DGKI: variants seen among roughly 807,000 people sequenced by gnomAD.
DGKI encodes DAG kinase iota.
Under a neutral mutation model 147.5 loss-of-function variants are expected in DGKI, and 55 were observed. That is an observed-to-expected ratio of 0.37 (90% CI 0.30 to 0.47). DGKI has a LOEUF of 0.47. Ranked by LOEUF, DGKI falls within the 20% of genes least tolerant of loss-of-function variation. DGKI has a pLI of 1.00. For missense variants in DGKI, 1,007 were observed against 1,323.8 expected (o/e 0.76, Z 3.71); for synonymous variants, 469 against 477.1 (o/e 0.98, Z 0.22).
At chr7:137,683,358 T>TG (rs1458477350) in intron 2 of DGKI, among the ~76,000 whole-genome samples, 2 of 134,356 alleles carry the variant, frequency 1.5e-5, no homozygotes, top group African/African-American at 3.0e-5. Context: ...TTGTCACTCT[T>TG]TTTGTTTGTG....
At chr7:137,741,510 A>C (rs1795172175) in intron 1 of DGKI, among the ~76,000 whole-genome samples, 1 of 151,924 alleles carries the variant, frequency 6.6e-6, no homozygotes, top group Non-Finnish European at 1.5e-5. Context: ...CTGTACACTG[A>C]CTCCTTCCTT....
At chr7:137,635,391 C>T (rs1019536961) in intron 6 of DGKI, among the ~76,000 whole-genome samples, 3 of 152,154 alleles carry the variant, frequency 2.0e-5, no homozygotes, top group South Asian at 2.1e-4. Flanking sequence ...GAAGCCCCTC[C>T]GCTTTAGAAG....
chr7:137,659,882 G>A (rs1023820807), intron 3 of DGKI, among the ~76,000 whole-genome samples: 5 of 152,140 alleles, frequency 3.3e-5, no homozygotes, highest in South Asian at 4.1e-4. Flanking sequence ...GCAGTGAGCC[G>A]AGATCGCGCC....
At chr7:137,809,680 G>A (rs1197694201) in intron 1 of DGKI, among the ~76,000 whole-genome samples, 1 of 152,150 alleles carries the variant, frequency 6.6e-6, no homozygotes, top group Non-Finnish European at 1.5e-5. Flanking sequence ...GCCAAGGAAG[G>A]CAGATTGCTT....
At chr7:137,429,578 C>G (rs1320058269) in intron 28 of DGKI, among the ~76,000 whole-genome samples, 6 of 151,888 alleles carry the variant, frequency 4.0e-5, no homozygotes, top group Non-Finnish European at 5.9e-5. Flanking sequence ...TAAAGAGCTT[C>G]TGCACAGCAA....
At chr7:137,801,450 G>A (rs930249929) in intron 1 of DGKI, among the ~76,000 whole-genome samples, 2 of 152,148 alleles carry the variant, frequency 1.3e-5, no homozygotes, top group Non-Finnish European at 2.9e-5. Flanking sequence ...AACAACAAAA[G>A]CATTAGTTCA....
intron 12 of DGKI, among the ~76,000 whole-genome samples, chr7:137,589,892 T>C (rs1819547031): frequency 6.6e-6 from 1 of 152,218 alleles, no homozygotes. Context: ...CCCGTTTTCT[T>C]TCAGGCAGAT....
At chr7:137,591,987 T>TA (rs1490739736) in intron 12 of DGKI, among the ~76,000 whole-genome samples, 1 of 152,104 alleles carries the variant, frequency 6.6e-6, no homozygotes, top group African/African-American at 2.4e-5. Context: ...AAAGGGGCTA[T>TA]AAAAAACAAA....
intron 23 of DGKI, among the ~76,000 whole-genome samples, chr7:137,475,651 C>G (rs1396382303): frequency 6.6e-6 from 1 of 152,070 alleles, no homozygotes; most frequent in Non-Finnish European, 1.5e-5. Flanking sequence ...GACGGAAGGT[C>G]ACAAAAAACG....
At chr7:137,697,519 T>C (rs772180033) in intron 1 of DGKI, among the ~76,000 whole-genome samples, 5 of 152,184 alleles carry the variant, frequency 3.3e-5, no homozygotes, top group African/African-American at 4.8e-5. Context: ...AAATTAGATA[T>C]AAGAGTAGTT....
intron 1 of DGKI, among the ~76,000 whole-genome samples, chr7:137,752,978 T>G (rs1795553944): frequency 6.6e-6 from 1 of 152,068 alleles, no homozygotes; most frequent in Admixed American, 6.6e-5. Flanking sequence ...TCATCCTTCC[T>G]AGACAGCCAG....
intron 1 of DGKI, among the ~76,000 whole-genome samples, chr7:137,754,744 G>C (rs955428145): frequency 2.0e-5 from 3 of 152,336 alleles, no homozygotes; most frequent in Non-Finnish European, 2.9e-5. Context: ...AGCAAAGAAA[G>C]GCAGAGGCAG....
intron 1 of DGKI, among the ~76,000 whole-genome samples, chr7:137,760,134 C>T (rs557522742): frequency 2.0e-5 from 3 of 152,290 alleles, no homozygotes; most frequent in Non-Finnish European, 2.9e-5. Context: ...GCAGAGCCCA[C>T]CTCACCTACT....
chr7:137,617,030 C>T (rs748156483), intron 8 of DGKI, among the ~76,000 whole-genome samples: 11 of 148,254 alleles, frequency 7.4e-5, no homozygotes, highest in Non-Finnish European at 1.3e-4. Flanking sequence ...ATGACAGTTC[C>T]TGAACCCACT....
In DGKI at chr7:137,421,357, A is replaced by G. The variant is rs567958191; in HGVS notation, c.2762-9150T>C. 1.5e-3 allele frequency among the ~76,000 whole-genome samples: 233 copies of G among 152,298 alleles called. 2 individuals carry two copies. Among genetic ancestry groups the G allele is most frequent in the Non-Finnish European group, 2.1e-3 (142 of 68,042 alleles). ...ATAGGTTTTGTTTCTCTCTAATGAC[A>G]GAATTAATCCCCCAATTCAATTAAT... On this transcript the variant is annotated intron_variant, in intron 28 of 32. Transcript: ENST00000614521.
chr7:137,513,979 A>G (rs937201943), intron 21 of DGKI: 1 of 687,832 alleles, frequency 1.5e-6, no homozygotes, highest in Admixed American at 2.1e-5. Context: ...GAGCAGAAAC[A>G]TGGAATGCCA....
chr7:137,776,260 C>T (rs1416228136), intron 1 of DGKI, among the ~76,000 whole-genome samples: 2 of 152,202 alleles, frequency 1.3e-5, no homozygotes, highest in Non-Finnish European at 1.5e-5. Context: ...ATGGTTGATA[C>T]AGGGACATCA....
intron 1 of DGKI, among the ~76,000 whole-genome samples, chr7:137,730,382 C>A (rs561775489): frequency 6.6e-6 from 1 of 152,118 alleles, no homozygotes; most frequent in East Asian, 1.9e-4. Context: ...TTCTCTCATG[C>A]CTCATTCTCA....
chr7:137,590,381 C>A (rs1276665972), intron 12 of DGKI, among the ~76,000 whole-genome samples: 1 of 152,186 alleles, frequency 6.6e-6, no homozygotes, highest in African/African-American at 2.4e-5. Context: ...AGTGACATAC[C>A]CCTGCCATCT....
Sources: allele counts gnomAD v4.1 joint callset (sites outside exome capture counted in the v4.1 genomes callset), GRCh38; gene constraint gnomAD v4.1.1; transcripts MANE v1.5; gene names NCBI Gene and HGNC (gene_info 2026-07-23, HGNC 2026-07-21).